CCSER1: variants seen among roughly 807,000 people sequenced by gnomAD.
CCSER1 encodes coiled-coil serine rich protein 1.
In CCSER1, 41 loss-of-function variants were observed where a neutral mutation model predicts 82.0. The observed-to-expected ratio is 0.50, with a 90% CI of 0.39 to 0.65. The LOEUF (loss-of-function observed/expected upper bound fraction) is 0.65. Ranked by LOEUF, CCSER1 falls within the 30% of genes least tolerant of loss-of-function variation. The pLI is 0.00. For missense variants in CCSER1, 1,119 were observed against 1,064.2 expected, an observed-to-expected ratio of 1.05 and a Z score of -0.72; for synonymous variants, 414 against 383.9, an observed-to-expected ratio of 1.08 and a Z score of -0.92.
intron 1 of CCSER1, among the ~76,000 whole-genome samples, chr4:90,304,659 G>T (rs1162476212): frequency 4.6e-5 from 7 of 152,038 alleles, no homozygotes; most frequent in Non-Finnish European, 8.8e-5. Context: ...GGGGTGGGGA[G>T]AGTGGGGAGG....
intron 1 of CCSER1, among the ~76,000 whole-genome samples, chr4:90,224,706 C>T (rs1044701711): frequency 6.6e-6 from 1 of 152,126 alleles, no homozygotes; most frequent in African/African-American, 2.4e-5. Flanking sequence ...TAATGTTTGG[C>T]ATGTAATAGA....
At chr4:91,047,492 AT>A (rs1314486848) in intron 9 of CCSER1, among the ~76,000 whole-genome samples, 1 of 152,176 alleles carries the variant, frequency 6.6e-6, no homozygotes, top group African/African-American at 2.4e-5. Context: ...TGCAAAATTT[AT>A]GACAAATTAC....
chr4:90,212,379 A>G (rs954808001), intron 1 of CCSER1, among the ~76,000 whole-genome samples: 1 of 152,152 alleles, frequency 6.6e-6, no homozygotes, highest in Non-Finnish European at 1.5e-5. Context: ...ATTACTCTGA[A>G]TATTAAAAAG....
At chr4:90,190,445 A>G (rs1390415181) in intron 1 of CCSER1, among the ~76,000 whole-genome samples, 1 of 152,090 alleles carries the variant, frequency 6.6e-6, no homozygotes, top group Non-Finnish European at 1.5e-5. Flanking sequence ...GGATGCATGT[A>G]ATTGCTTACA....
intron 1 of CCSER1, among the ~76,000 whole-genome samples, chr4:90,143,346 A>G (rs928507021): frequency 6.6e-6 from 1 of 152,132 alleles, no homozygotes; most frequent in African/African-American, 2.4e-5. Context: ...TTTCTTTCAT[A>G]GTCTTTAAGG....
intron 10 of CCSER1, among the ~76,000 whole-genome samples, chr4:91,490,920 ATATATAT>A (rs1351974208): frequency 2.2e-5 from 2 of 90,632 alleles, no homozygotes; most frequent in African/African-American, 4.0e-5. Context: ...ATATATATAT[ATATATAT>A]AAAATATGCG....
chr4:90,181,024 GTGT>G (rs529897558), intron 1 of CCSER1, among the ~76,000 whole-genome samples: 57 of 152,174 alleles, frequency 3.7e-4, no homozygotes, highest in African/African-American at 1.3e-3. Context: ...TTTACTTCAT[GTGT>G]TGTTGTGAAG....
At chr4:91,289,294 G>A (rs1578125331) in intron 10 of CCSER1, among the ~76,000 whole-genome samples, 1 of 152,142 alleles carries the variant, frequency 6.6e-6, no homozygotes, top group East Asian at 1.9e-4. Flanking sequence ...TACATAAAAT[G>A]TCTGCTTTCC....
rs141642199 is a variant in CCSER1 at position 91,148,708 on chromosome 4, C to G, written c.2217+62714C>G. On this transcript the variant is annotated intron_variant, in intron 10 of 10. Transcript: ENST00000509176. Reference sequence around the variant, plus strand: ...GTCCAAATGTTCTCATTGTTCAAATCCCACCTATGAGTGAGAACATGTGGT... The same window carrying G: ...GTCCAAATGTTCTCATTGTTCAAATGCCACCTATGAGTGAGAACATGTGGT... Among the ~76,000 whole-genome samples the G allele has an allele frequency of 9.4e-3, 1,424 of 152,200 alleles. 10 individuals are homozygous for G. The highest frequency in any genetic ancestry group is 0.022 in the African/African-American group (934 of 41,534).
At chr4:90,280,221 C>T (rs1446134912) in intron 1 of CCSER1, among the ~76,000 whole-genome samples, 1 of 152,002 alleles carries the variant, frequency 6.6e-6, no homozygotes, top group Non-Finnish European at 1.5e-5. Context: ...AGTAAAGTCA[C>T]TACAGTATTC....
chr4:91,533,071 A>G (rs1761116053), intron 10 of CCSER1, among the ~76,000 whole-genome samples: 1 of 152,146 alleles, frequency 6.6e-6, no homozygotes, highest in African/African-American at 2.4e-5. Context: ...TAGGAATACA[A>G]AGATTAATGC....
At chr4:90,797,138 A>AT (rs2149684739) in intron 7 of CCSER1, among the ~76,000 whole-genome samples, 1 of 152,330 alleles carries the variant, frequency 6.6e-6, no homozygotes, top group East Asian at 1.9e-4. Context: ...AAGGTCTCCA[A>AT]TAACTTGATT....
intron 10 of CCSER1, among the ~76,000 whole-genome samples, chr4:91,494,302 G>C (rs536620034): frequency 1.4e-4 from 21 of 151,838 alleles, no homozygotes; most frequent in South Asian, 1.0e-3. Context: ...CAGGAGAATA[G>C]CAAAATCACA....
chr4:91,505,261 G>T (rs1209756282), intron 10 of CCSER1, among the ~76,000 whole-genome samples: 2 of 152,156 alleles, frequency 1.3e-5, no homozygotes, highest in Admixed American at 6.5e-5. Flanking sequence ...TCCCTGCAAA[G>T]GAAATGATCT....
chr4:90,362,172 T>G (rs553533349), intron 3 of CCSER1, among the ~76,000 whole-genome samples: 26 of 152,300 alleles, frequency 1.7e-4, no homozygotes, highest in Non-Finnish European at 3.1e-4. Flanking sequence ...ACAGGGATCT[T>G]GTGTCTTATG....
intron 4 of CCSER1, among the ~76,000 whole-genome samples, chr4:90,444,296 A>G (rs1760320668): frequency 6.6e-6 from 1 of 152,082 alleles, no homozygotes; most frequent in South Asian, 2.1e-4. Flanking sequence ...TCTTACTGCC[A>G]TTCTTTGTTC....
intron 7 of CCSER1, among the ~76,000 whole-genome samples, chr4:90,773,556 T>C (rs1247858825): frequency 6.6e-6 from 1 of 152,198 alleles, no homozygotes; most frequent in East Asian, 1.9e-4. Context: ...AAAGCTACCT[T>C]CAAATACCTT....
At chr4:90,789,868 A>G (rs1352581359) in intron 7 of CCSER1, among the ~76,000 whole-genome samples, 1 of 152,086 alleles carries the variant, frequency 6.6e-6, no homozygotes, top group Admixed American at 6.6e-5. Context: ...GGACTAATAC[A>G]CCTACTATAT....
chr4:91,545,512 T>C (rs1761842100), intron 10 of CCSER1, among the ~76,000 whole-genome samples: 1 of 152,180 alleles, frequency 6.6e-6, no homozygotes, highest in South Asian at 2.1e-4. Context: ...TATAAATTGG[T>C]AGATATATAT....
Sources: allele counts gnomAD v4.1 joint callset (sites outside exome capture counted in the v4.1 genomes callset), GRCh38; gene constraint gnomAD v4.1.1; transcripts MANE v1.5; gene names NCBI Gene and HGNC (gene_info 2026-07-23, HGNC 2026-07-21).